RUFY1: variants seen among roughly 807,000 people sequenced by gnomAD.
RUFY1 encodes the protein RUN and FYVE domain containing 1.
RUFY1 carries 54 observed loss-of-function variants against 94.6 expected under a neutral mutation model. That is an observed-to-expected ratio of 0.57 (90% CI 0.46 to 0.72). The LOEUF is 0.72. RUFY1 is among the 30% of genes least tolerant of loss of function. The pLI is 0.00. For synonymous variants in RUFY1, 396 were observed against 347.3 expected (o/e 1.14, Z -1.56); for missense variants, 883 against 883.9 (o/e 1.00, Z 0.01).
At chr5:179,609,149 G>A (rs1278750693) in intron 17 of RUFY1, among the ~76,000 whole-genome samples, 1 of 148,224 alleles carries the variant, frequency 6.7e-6, no homozygotes, top group African/African-American at 2.5e-5. Flanking sequence ...AGAGCTTGCA[G>A]TGAGCTGAGA....
At chr5:179,573,524 GT>G (rs1305691186) in intron 5 of RUFY1, among the ~76,000 whole-genome samples, 1 of 151,528 alleles carries the variant, frequency 6.6e-6, no homozygotes, top group African/African-American at 2.4e-5. Context: ...TTGTCGTTTT[GT>G]TTTTTTCTTT....
At chr5:179,599,833 G>A (rs1168503592) in intron 14 of RUFY1, among the ~76,000 whole-genome samples, 4 of 152,258 alleles carry the variant, frequency 2.6e-5, no homozygotes, top group African/African-American at 9.6e-5. Context: ...TGCCCCGGAG[G>A]GGCCTTCAGG....
chr5:179,586,634 A>G (rs1156241064), intron 8 of RUFY1, among the ~76,000 whole-genome samples: 2 of 152,150 alleles, frequency 1.3e-5, no homozygotes, highest in African/African-American at 4.8e-5. Flanking sequence ...AGCCTCCCTT[A>G]AAGCTGACTG....
At chr5:179,561,082 ATG>A (rs1270911796) in intron 2 of RUFY1, among the ~76,000 whole-genome samples, 1 of 151,442 alleles carries the variant, frequency 6.6e-6, no homozygotes, top group African/African-American at 2.4e-5. Context: ...GTGGTGGCGC[ATG>A]CCTGTAATCC....
At chr5:179,560,555 T>TAA (rs35636829) in intron 2 of RUFY1, among the ~76,000 whole-genome samples, 36 of 143,838 alleles carry the variant, frequency 2.5e-4, no homozygotes, top group South Asian at 8.8e-4. Flanking sequence ...CGGTCTCTAC[T>TAA]AAAAAAAAAA....
At chr5:179,578,380 AT>A (rs953825251) in intron 6 of RUFY1, among the ~76,000 whole-genome samples, 98 of 146,348 alleles carry the variant, frequency 6.7e-4, no homozygotes, top group Middle Eastern at 3.6e-3. Flanking sequence ...TGCCTGGCTA[AT>A]TTTTTTTTTT....
chr5:179,600,413 A>G (rs949853415), intron 14 of RUFY1, among the ~76,000 whole-genome samples: 9 of 152,184 alleles, frequency 5.9e-5, no homozygotes, highest in African/African-American at 1.7e-4. Context: ...GGCTCCTCAC[A>G]TGGTCTAGCC....
chr5:179,580,246 T>TATATATATATATATATATATA (rs1554118967), intron 6 of RUFY1, among the ~76,000 whole-genome samples: 1 of 104,208 alleles, frequency 9.6e-6, no homozygotes, highest in Non-Finnish European at 2.4e-5. Flanking sequence ...TGTGTGTATA[T>TATATATATATATATATATATA]TTTTTTTTTT....
chr5:179,600,197 A>G (rs1312395080), intron 14 of RUFY1: 1 of 152,272 alleles, frequency 6.6e-6, no homozygotes, highest in Non-Finnish European at 1.5e-5. Flanking sequence ...TGTGCTTTGC[A>G]AGCCTGTGCA....
rs184702613 is a variant in RUFY1, at chr5:179,567,626, C to T, written c.704+64C>T. On this transcript the variant is annotated intron_variant, in intron 4 of 17. Coordinates refer to ENST00000319449, the MANE Select transcript of RUFY1 (RefSeq NM_025158.5). ...AAATAATTAGAACATAGGCTGGGTG[C>T]GGTGGCTCACACCTGTAATCCCAGC... 6.4e-5 allele frequency: 74 copies of T among 1,156,390 alleles called. No individual in the cohort carries two copies. The East Asian group carries it at 1.5e-3, about 23-fold the overall frequency. 71.6% of individuals were successfully genotyped at this position (1,156,390 alleles called of 1,614,324 possible).
In RUFY1 at chr5:179,559,676, C is replaced by T. The variant is rs530944768; in HGVS notation, c.311-349C>T. ...TTGGGGCAGGGCTTCCTGTAGGTAG[C>T]GCCCTTCCATTGGTCAAAAATGGAA... is the stretch of plus-strand genomic sequence containing the variant. On this transcript the variant is annotated intron_variant, in intron 1 of 17. Transcript: ENST00000319449. 41 of 1,035,216 alleles carry T rather than the reference C, an allele frequency of 4.0e-5. 1 individual carries two copies. In the East Asian group the frequency reaches 3.7e-3, roughly 93 times the overall value. The allele number at this position is 1,035,216 out of a possible 1,614,324, so 64.1% of individuals were successfully genotyped here. A position where few individuals can be genotyped will look rare whatever the true frequency, so the allele number is the denominator to read the frequency against.
In RUFY1 at chr5:179,550,767, C is replaced by T. The variant is rs916535044; in HGVS notation, c.198C>T (p.Ile66=). ...CGGCCGAGGGCTGGTCGGCGCCCAT[C>T]CTGACCCTGGCACGCAGGGCCACCG... The part of the protein sequence containing the change: ...PRAAEGWSAP[I]LTLARRATGN... The change falls in exon 1 of 18, where the codon ATC becomes ATT. Residue 66 remains isoleucine (I), a synonymous_variant. Transcript: ENST00000319449. The T allele has an allele frequency of 1.3e-5, 18 of 1,407,328 alleles. No homozygotes were observed. The highest frequency in any genetic ancestry group is 1.3e-4 in the Admixed American group (5 of 39,108). 87.2% of individuals were successfully genotyped at this position (1,407,328 alleles called of 1,614,324 possible).
chr5:179,555,243 C>T (rs558760646), intron 1 of RUFY1, among the ~76,000 whole-genome samples: 4 of 152,232 alleles, frequency 2.6e-5, no homozygotes, highest in South Asian at 2.1e-4. Flanking sequence ...GAAAGGCCAA[C>T]GAGAGAGGAT....
chr5:179,552,645 C>T (rs1761920484), intron 1 of RUFY1, among the ~76,000 whole-genome samples: 1 of 152,196 alleles, frequency 6.6e-6, no homozygotes, highest in Non-Finnish European at 1.5e-5. Flanking sequence ...AAAGTCAAGG[C>T]ATGGCGTCTC....
chr5:179,551,000 TGGC>T (rs1403506068), intron 1 of RUFY1, 121 bp downstream of exon 1: 1 of 871,928 alleles, frequency 1.1e-6, no homozygotes, highest in African/African-American at 1.8e-5. Flanking sequence ...CGCGAGCTGT[TGGC>T]GGGCGGGCGG....
chr5:179,563,084 T>G (rs1412170212), intron 3 of RUFY1, among the ~76,000 whole-genome samples: 1 of 152,180 alleles, frequency 6.6e-6, no homozygotes, highest in Non-Finnish European at 1.5e-5. Context: ...GATTTGTCCT[T>G]GGGATCGCTA....
Position 179,567,458 on chromosome 5 carries a change from T to C in RUFY1, c.603-3T>C. The C allele has an allele frequency of 6.2e-7, 1 of 1,610,320 alleles. No homozygotes were observed. The highest frequency in any genetic ancestry group is 8.5e-7 in the Non-Finnish European group (1 of 1,176,620). On this transcript the variant is annotated splice_polypyrimidine_tract_variant and splice_region_variant and intron_variant, in intron 3 of 17. Transcript: ENST00000319449. ...AATAGTTGATTCTCTGTTTGAATTC[T>C]AGGACAGCTGTGGGAAGAGGCCGAG...
At chr5:179,580,206 C>CGTGTGTGTGTGT (rs71591429) in intron 6 of RUFY1, among the ~76,000 whole-genome samples, 1,542 of 127,388 alleles carry the variant, frequency 0.012, 15 homozygotes, top group Non-Finnish European at 0.019. Flanking sequence ...CAAAAAATTC[C>CGTGTGTGTGTGT]GTGTGTGTGT....
intron 2 of RUFY1, among the ~76,000 whole-genome samples, chr5:179,561,415 TTTATTC>T (rs930920477): frequency 1.3e-5 from 2 of 151,726 alleles, no homozygotes; most frequent in Admixed American, 6.6e-5. Flanking sequence ...GGAGTTGCAT[TTTATTC>T]TTAGTGTCTT....
Sources: gnomAD v4.1 joint callset for allele counts (sites outside exome capture counted in the v4.1 genomes callset) on GRCh38, gnomAD v4.1.1 for gene constraint, MANE v1.5 for transcripts, NCBI Gene and HGNC (gene_info 2026-07-23, HGNC 2026-07-21) for gene names.